Variants in TMEM117 observed in about 807,000 individuals in gnomAD.
The protein encoded by TMEM117 is transmembrane protein 117.
TMEM117 carries 27 observed loss-of-function variants against 52.4 expected under a neutral mutation model. That is an observed-to-expected ratio of 0.51 (90% CI 0.38 to 0.71). The LOEUF (loss-of-function observed/expected upper bound fraction) is 0.71. TMEM117 is among the 30% of genes least tolerant of loss of function. The pLI, the probability that TMEM117 is intolerant of heterozygous loss-of-function variation, is 0.00. For synonymous variants in TMEM117, 215 were observed against 206.3 expected, an observed-to-expected ratio of 1.04 and a Z score of -0.36; for missense variants, 556 against 630.5, an observed-to-expected ratio of 0.88 and a Z score of 1.26.
chr12:43,815,434 C>T, the TMEM117 span, among the ~76,000 whole-genome samples: 5 of 152,280 alleles, frequency 3.3e-5, no homozygotes, highest in African/African-American at 7.2e-5. Flanking sequence ...CAATAGAATA[C>T]CCCAGTATCA....
chr12:43,800,547 G>C, the TMEM117 span: 1 of 1,574,520 alleles, frequency 6.4e-7, no homozygotes, highest in East Asian at 2.2e-5. Context: ...AGTTGTGAAA[G>C]TTTACTTAGT....
chr12:44,238,477 C>A (rs764718568), intron 5 of TMEM117, among the ~76,000 whole-genome samples: 3 of 151,946 alleles, frequency 2.0e-5, no homozygotes, highest in Non-Finnish European at 4.4e-5. Flanking sequence ...AAAAACTCAA[C>A]CTACCTGGGC....
intron 3 of TMEM117, among the ~76,000 whole-genome samples, chr12:43,962,866 TG>T (rs944216863): frequency 4.6e-5 from 7 of 151,950 alleles, no homozygotes; most frequent in African/African-American, 1.5e-4. Flanking sequence ...AGGCAGAGCT[TG>T]CAGTGAGCCG....
intron 4 of TMEM117, among the ~76,000 whole-genome samples, chr12:44,186,598 G>A (rs547881416): frequency 3.9e-5 from 6 of 152,184 alleles, no homozygotes; most frequent in Middle Eastern, 3.4e-3. Context: ...TTTGCAAGGA[G>A]CATATGTTTA....
At position 44,026,627 on chromosome 12, in the gene TMEM117, G is replaced by A. The variant is rs140872935; in HGVS notation, c.410+82285G>A. Reference sequence around the variant, plus strand: ...CTTTATCTTTCTGTTATACTTATGAGAGTAGGACTGGAACACTTTTATTTT... The same window carrying A: ...CTTTATCTTTCTGTTATACTTATGAAAGTAGGACTGGAACACTTTTATTTT... On this transcript the variant is annotated intron_variant, in intron 3 of 7. Transcript: ENST00000266534. 2.6e-4 allele frequency among the ~76,000 whole-genome samples: 40 copies of A among 152,172 alleles called. No homozygotes were observed. In the East Asian group the frequency reaches 7.3e-3, roughly 28 times the overall value.
In TMEM117 at chr12:43,885,568, C is replaced by T. The variant is rs752991844; in HGVS notation, c.277+40640C>T. Among the ~76,000 whole-genome samples, 3 of 151,714 alleles carry T rather than the reference C, an allele frequency of 2.0e-5. No individual in the cohort carries two copies. The South Asian group carries it at 6.2e-4, about 32-fold the overall frequency. On this transcript the variant is annotated intron_variant, in intron 2 of 7. Transcript: ENST00000266534. ...TCTATAATTTACCATTTTGAGATGACTACTGTTAATACTTTTGGGAGTTTT... is the reference window on the plus strand; with the variant it reads ...TCTATAATTTACCATTTTGAGATGATTACTGTTAATACTTTTGGGAGTTTT...
At chr12:44,150,071 A>T (rs1330800487) in intron 4 of TMEM117, among the ~76,000 whole-genome samples, 2 of 152,114 alleles carry the variant, frequency 1.3e-5, no homozygotes, top group African/African-American at 4.8e-5. Flanking sequence ...GTTCATTGGA[A>T]CCATTTTGAC....
At chr12:43,826,780 C>T in the TMEM117 span, among the ~76,000 whole-genome samples, 2 of 152,096 alleles carry the variant, frequency 1.3e-5, no homozygotes, top group African/African-American at 4.8e-5. Flanking sequence ...TCTCTCTTCA[C>T]ATCTCATGCT....
At position 44,225,956 on chromosome 12, in the gene TMEM117, C is replaced by T. The variant is rs552430441; in HGVS notation, c.608+14569C>T. On this transcript the variant is annotated intron_variant, in intron 5 of 7. Coordinates refer to ENST00000266534, the MANE Select transcript of TMEM117 (RefSeq NM_032256.3). ...CCCTGTGAGATAGATGTTACAATCACTGTTGTATGAGGAAGAAACTCAATT... is the reference window on the plus strand; with the variant it reads ...CCCTGTGAGATAGATGTTACAATCATTGTTGTATGAGGAAGAAACTCAATT... Among the ~76,000 whole-genome samples the T allele has an allele frequency of 1.5e-4, 23 of 151,902 alleles. 1 individual carries two copies. The highest frequency in any genetic ancestry group is 8.3e-4 in the South Asian group (4 of 4,808).
At chr12:44,246,053 A>G (rs1177373935) in intron 5 of TMEM117, among the ~76,000 whole-genome samples, 1 of 152,152 alleles carries the variant, frequency 6.6e-6, no homozygotes, top group Non-Finnish European at 1.5e-5. Flanking sequence ...ACAGACTAAC[A>G]AAGAGATAAA....
intron 5 of TMEM117, among the ~76,000 whole-genome samples, chr12:44,251,113 T>A (rs1389413356): frequency 6.6e-6 from 1 of 152,174 alleles, no homozygotes; most frequent in African/African-American, 2.4e-5. Flanking sequence ...TGCCGTGGTG[T>A]CATAGGGTTG....
At chr12:44,270,335 A>G (rs73274154) in intron 5 of TMEM117, among the ~76,000 whole-genome samples, 7,506 of 152,160 alleles carry the variant, frequency 0.049, 218 homozygotes, top group African/African-American at 0.076. Flanking sequence ...TTGGTTAGAT[A>G]CATTCCTAAG....
intron 6 of TMEM117, among the ~76,000 whole-genome samples, chr12:44,360,356 G>A (rs2138806422): frequency 6.6e-6 from 1 of 152,078 alleles, no homozygotes; most frequent in African/African-American, 2.4e-5. Context: ...GAGGTGGAAG[G>A]ATCACCTGAA....
At chr12:44,107,420 A>T (rs1947976334) in intron 3 of TMEM117, among the ~76,000 whole-genome samples, 1 of 152,122 alleles carries the variant, frequency 6.6e-6, no homozygotes, top group Non-Finnish European at 1.5e-5. Flanking sequence ...TTTTTAGAAG[A>T]GAAATAAAAA....
intron 3 of TMEM117, among the ~76,000 whole-genome samples, chr12:44,056,434 A>G (rs2137940888): frequency 6.6e-6 from 1 of 152,320 alleles, no homozygotes; most frequent in East Asian, 1.9e-4. Context: ...TGTCAAATTA[A>G]CATTTTAACT....
At position 44,180,460 on chromosome 12, in the gene TMEM117, G is replaced by A. The variant is rs566705219; in HGVS notation, c.511-30830G>A. 8.0e-3 allele frequency among the ~76,000 whole-genome samples: 1,184 copies of A among 148,540 alleles called. 22 individuals are homozygous for A. Among genetic ancestry groups the A allele is most frequent in the African/African-American group, 0.027 (1,101 of 40,384 alleles). Reference sequence around the variant, plus strand: ...GCTGGTGCGCTGCACCCACTAACTCGTCATCTAGCATTAGGTATATCTCCC... The same window carrying A: ...GCTGGTGCGCTGCACCCACTAACTCATCATCTAGCATTAGGTATATCTCCC... On this transcript the variant is annotated intron_variant, in intron 4 of 7. Transcript: ENST00000266534.
chr12:44,333,787 A>C (rs1951304179), intron 6 of TMEM117, among the ~76,000 whole-genome samples: 1 of 152,000 alleles, frequency 6.6e-6, no homozygotes, highest in Non-Finnish European at 1.5e-5. Context: ...GATTTGTATT[A>C]TGGAGAAGTA....
In TMEM117 at chr12:43,919,969, A is replaced by T. The variant is rs80348142; in HGVS notation, c.278-24241A>T. 7.9e-5 allele frequency among the ~76,000 whole-genome samples: 12 copies of T among 151,828 alleles called. No individual in the cohort carries two copies. In the East Asian group the frequency reaches 2.3e-3, roughly 30 times the overall value. On this transcript the variant is annotated intron_variant, in intron 2 of 7. Coordinates refer to ENST00000266534, the MANE Select transcript of TMEM117 (RefSeq NM_032256.3). Reference sequence around the variant, plus strand: ...CTCTAGGTCCAGCATCACTCATGATATTTTCATCTCTCTTTAGGACCTCTT... The same window carrying T: ...CTCTAGGTCCAGCATCACTCATGATTTTTTCATCTCTCTTTAGGACCTCTT...
chr12:44,114,770 G>A (rs1159224399), intron 3 of TMEM117, among the ~76,000 whole-genome samples: 1 of 152,026 alleles, frequency 6.6e-6, no homozygotes, highest in East Asian at 1.9e-4. Flanking sequence ...GGTGAGGGTG[G>A]GAGAACACAT....
Sources: gnomAD v4.1 joint callset for allele counts (sites outside exome capture counted in the v4.1 genomes callset) on GRCh38, gnomAD v4.1.1 for gene constraint, MANE v1.5 for transcripts, NCBI Gene and HGNC (gene_info 2026-07-23, HGNC 2026-07-21) for gene names.